MTMR10: variants seen among roughly 807,000 people sequenced by gnomAD.
MTMR10 encodes the protein myotubularin-related protein 10.
Under a neutral mutation model 88.1 loss-of-function variants are expected in MTMR10, and 56 were observed. That is an observed-to-expected ratio of 0.64 (90% CI 0.51 to 0.79). The LOEUF (loss-of-function observed/expected upper bound fraction) is 0.79, where lower values mean the gene tolerates loss of function less well. Ranked by LOEUF, MTMR10 falls within the 30% of genes least tolerant of loss-of-function variation. The probability of loss-of-function intolerance (pLI) is 0.00; values close to 1 mark genes in which losing one functional copy is unlikely to be tolerated. For synonymous variants in MTMR10, 380 were observed against 340.9 expected (o/e 1.11, Z -1.26); for missense variants, 883 against 924.7 (o/e 0.95, Z 0.58).
chr15:30,961,203 C>T (rs2063397157), intron 6 of MTMR10, 130 bp from the exon 7 acceptor site: 6 of 1,260,080 alleles, frequency 4.8e-6, no homozygotes, highest in East Asian at 5.3e-5. Context: ...CAAGTCTCTC[C>T]GAGAACTGTC....
the MTMR10 span, chr15:30,928,626 G>A: frequency 1.2e-6 from 2 of 1,613,602 alleles, no homozygotes; most frequent in African/African-American, 2.7e-5. Flanking sequence ...TCATGGATGG[G>A]ATTCCGGATG....
chr15:30,949,995 A>G (rs902022449), intron 12 of MTMR10: 2 of 152,250 alleles, frequency 1.3e-5, no homozygotes, highest in East Asian at 1.9e-4. Context: ...TAGACTCTGT[A>G]TATTTACTAA....
chr15:30,946,526 C>G lies in MTMR10; in HGVS notation c.1548+604G>C, dbSNP rs73366532. 1.3e-5 allele frequency: 7 copies of G among 553,190 alleles called. No individual in the cohort carries two copies. In the African/African-American group the frequency reaches 1.3e-4, roughly 10 times the overall value. 34.3% of individuals were successfully genotyped at this position (553,190 alleles called of 1,614,324 possible). A position where few individuals can be genotyped will look rare whatever the true frequency, so the allele number is the denominator to read the frequency against. On this transcript the variant is annotated intron_variant, in intron 14 of 15. Coordinates refer to ENST00000435680, the MANE Select transcript of MTMR10 (RefSeq NM_017762.3). ...CCCCGGAGCTCACTATGAGGGCAATCCTCTTCCTAGAAAGGCTTCCTGAAG... is the reference window on the plus strand; with the variant it reads ...CCCCGGAGCTCACTATGAGGGCAATGCTCTTCCTAGAAAGGCTTCCTGAAG...
chr15:30,954,339 G>A (rs2063291555), intron 10 of MTMR10, among the ~76,000 whole-genome samples: 1 of 152,106 alleles, frequency 6.6e-6, no homozygotes, highest in Non-Finnish European at 1.5e-5. Context: ...AAAGCCACCT[G>A]GTACGTTTGC....
At chr15:30,986,265 C>T (rs922104780) in intron 2 of MTMR10, among the ~76,000 whole-genome samples, 25 of 151,990 alleles carry the variant, frequency 1.6e-4, no homozygotes, top group South Asian at 6.2e-4. Context: ...TGCAGTAAGC[C>T]GTGATCACAC....
rs767931340 is a variant in MTMR10, at chr15:30,990,787, G to C, written c.111C>G (p.Val37=). 33 of 1,609,680 alleles carry C rather than the reference G, an allele frequency of 2.1e-5. No homozygotes were observed. Among genetic ancestry groups the C allele is most frequent in the African/African-American group, 2.7e-5 (2 of 74,848 alleles). Residue 37 remains valine (V), a synonymous_variant, in exon 2 of 16, where the codon GTC becomes GTG. Transcript: ENST00000435680. The part of the protein sequence containing the change: ...SEPKIKKLEP[V]LLPGEIVVNE... ...CTAACTAATGTTTACCTGGCAAAAGGACTGGCTCCAGTTTTTTAATCTTCG... is the reference window on the plus strand; with the variant it reads ...CTAACTAATGTTTACCTGGCAAAAGCACTGGCTCCAGTTTTTTAATCTTCG...
the MTMR10 span, chr15:30,929,451 T>A: frequency 1.4e-6 from 2 of 1,430,596 alleles, no homozygotes; most frequent in East Asian, 4.8e-5. Context: ...ACCGCCCCAG[T>A]GCTGTCTTTT....
In MTMR10 at chr15:30,958,879, T is replaced by C; in HGVS notation, c.919A>G (p.Arg307Gly). 1 of 1,613,884 alleles carries C rather than the reference T, an allele frequency of 6.2e-7. No homozygotes were observed. Among genetic ancestry groups the C allele is most frequent in the Non-Finnish European group, 8.5e-7 (1 of 1,179,786 alleles). ...MALIKDVLQQ[R>G]KIDQRICNAI... ...CTCAATTACCTCTGGTCAATCTTCC[T>C]CTGCTGCAGCACGTCTTTGATGAGG... Residue 307 changes from arginine (R) to glycine (G), a missense_variant, in exon 9 of 16, where the codon AGG becomes GGG. Arg to Gly is a moderately radical substitution (Grantham distance 125, BLOSUM62 -2). This residue lies in a region of MTMR10 where 414 missense variants were observed against 423.2 expected (regional missense o/e 0.98). Coordinates refer to ENST00000435680, the MANE Select transcript of MTMR10 (RefSeq NM_017762.3).
At chr15:30,925,277 C>G in the MTMR10 span, 1 of 1,613,918 alleles carries the variant, frequency 6.2e-7, no homozygotes, top group Non-Finnish European at 8.5e-7. Flanking sequence ...AATGGCTGTG[C>G]AAGATGTGAA....
At chr15:30,970,822 T>C (rs1177297238) in intron 5 of MTMR10, among the ~76,000 whole-genome samples, 1 of 152,178 alleles carries the variant, frequency 6.6e-6, no homozygotes, top group Non-Finnish European at 1.5e-5. Context: ...CAAATGAGTA[T>C]GTCCAAAAGC....
At chr15:30,982,355 C>T (rs905927695) in intron 2 of MTMR10, among the ~76,000 whole-genome samples, 4 of 152,188 alleles carry the variant, frequency 2.6e-5, no homozygotes, top group Admixed American at 2.6e-4. Flanking sequence ...AAGCTATTAA[C>T]ATTAGCGGAA....
At chr15:30,929,271 G>A in the MTMR10 span, 1 of 1,613,598 alleles carries the variant, frequency 6.2e-7, no homozygotes, top group Non-Finnish European at 8.5e-7. Flanking sequence ...AGGCCAGGCT[G>A]CAGCTGATTC....
chr15:30,944,342 C>T (rs1354812158), intron 14 of MTMR10, among the ~76,000 whole-genome samples: 4 of 151,946 alleles, frequency 2.6e-5, no homozygotes, highest in African/African-American at 7.3e-5. Context: ...CGAAGGCAGG[C>T]GGATCACGAG....
intron 2 of MTMR10, among the ~76,000 whole-genome samples, chr15:30,988,368 G>A (rs538853563): frequency 4.6e-5 from 7 of 152,302 alleles, no homozygotes; most frequent in South Asian, 4.1e-4. Context: ...TGATAGAGCC[G>A]TCATGTATGC....
At chr15:30,922,090 C>T in the MTMR10 span, 3 of 1,020,522 alleles carry the variant, frequency 2.9e-6, no homozygotes, top group Non-Finnish European at 2.9e-6. Flanking sequence ...AGTCCCTGTC[C>T]TGTCAGTTCG....
chr15:30,936,100 A>G (rs1236866037), downstream of MTMR10, among the ~76,000 whole-genome samples: 1 of 143,802 alleles, frequency 7.0e-6, no homozygotes, highest in Admixed American at 7.3e-5. Flanking sequence ...ATTTTTTTCT[A>G]TATTTTACCT....
Position 30,941,189 on chromosome 15 carries a change from AATGG to A in MTMR10, c.*277_*280del, listed in dbSNP as rs1179590027. 6.7e-6 allele frequency: 9 copies of A among 1,343,976 alleles called. No homozygotes were observed. The East Asian group carries it at 2.2e-4, about 33-fold the overall frequency. The allele number at this position is 1,343,976 out of a possible 1,614,324, so 83.3% of individuals were successfully genotyped here. ...ATAGCCTTCAGGAGGTGGTAGGAAA[AATGG>A]ATGGAGACAAAAATGTAGCAGACAA... On this transcript the variant is annotated 3_prime_UTR_variant, in exon 16 of 16. Coordinates refer to ENST00000435680, the MANE Select transcript of MTMR10 (RefSeq NM_017762.3).
intron 14 of MTMR10, chr15:30,943,277 G>A (rs1428710322): frequency 7.1e-6 from 7 of 985,258 alleles, no homozygotes; most frequent in African/African-American, 1.7e-5. Context: ...AACAAGGAGT[G>A]TGCTTTTCAG....
the MTMR10 span, chr15:30,927,247 C>A: frequency 1.0e-6 from 1 of 985,502 alleles, no homozygotes; most frequent in East Asian, 1.1e-4. Context: ...ATGATCTGGC[C>A]TTTATATTCC....
Sources: gnomAD v4.1 joint callset for allele counts (sites outside exome capture counted in the v4.1 genomes callset) on GRCh38, gnomAD v4.1.1 for gene constraint, gnomAD v4.1.1 regional missense constraint, MANE v1.5 for transcripts, NCBI Gene and HGNC (gene_info 2026-07-23, HGNC 2026-07-21) for gene names.